The following PDE3B variants were observed in gnomAD, a reference collection of about 807,000 sequenced individuals.
PDE3B encodes phosphodiesterase 3B, also known as cGMP-inhibited 3',5'-cyclic phosphodiesterase 3B.
PDE3B carries 66 observed loss-of-function variants against 116.8 expected under a neutral mutation model. That is an observed-to-expected ratio of 0.56 (90% CI 0.46 to 0.69). The LOEUF is 0.69. Ranked by LOEUF, PDE3B falls within the 30% of genes least tolerant of loss-of-function variation. The probability of loss-of-function intolerance (pLI) is 0.00; values close to 1 mark genes in which losing one functional copy is unlikely to be tolerated. For missense variants in PDE3B, 1,384 were observed against 1,368.1 expected (o/e 1.01, Z -0.18); for synonymous variants, 595 against 533.6 (o/e 1.12, Z -1.59).
intron 7 of PDE3B, among the ~76,000 whole-genome samples, chr11:14,830,139 C>T (rs926202165): frequency 2.0e-5 from 3 of 152,022 alleles, no homozygotes; most frequent in Non-Finnish European, 4.4e-5. Flanking sequence ...GGTAATTTCC[C>T]TGTTTAAGAT....
At chr11:14,813,269 C>A (rs1201458378) in intron 5 of PDE3B, among the ~76,000 whole-genome samples, 2 of 152,040 alleles carry the variant, frequency 1.3e-5, no homozygotes, top group African/African-American at 4.8e-5. Flanking sequence ...TCTCATTGGG[C>A]CCAAAGCAAG....
At chr11:14,884,974 T>G in the PDE3B span, among the ~76,000 whole-genome samples, 1 of 152,164 alleles carries the variant, frequency 6.6e-6, no homozygotes, top group Non-Finnish European at 1.5e-5. Context: ...GAGAATTCAG[T>G]CTTTTACAAT....
the PDE3B span, chr11:14,892,033 G>A: frequency 6.2e-7 from 1 of 1,613,292 alleles, no homozygotes; most frequent in Non-Finnish European, 8.5e-7. Flanking sequence ...AAGCTCGGAT[G>A]AGGCTGCCAG....
At chr11:14,845,858 T>C (rs1224993326) in intron 12 of PDE3B, among the ~76,000 whole-genome samples, 1 of 152,158 alleles carries the variant, frequency 6.6e-6, no homozygotes, top group Admixed American at 6.5e-5. Flanking sequence ...CAAATCTATG[T>C]CTGACTGGTA....
chr11:14,675,502 G>A (rs550008767), intron 1 of PDE3B, among the ~76,000 whole-genome samples: 18 of 152,042 alleles, frequency 1.2e-4, no homozygotes, highest in African/African-American at 4.1e-4. Context: ...ATCTTTCCTT[G>A]AACTTCTTTC....
chr11:14,744,897 G>A (rs187665681), intron 1 of PDE3B, among the ~76,000 whole-genome samples: 222 of 152,276 alleles, frequency 1.5e-3, no homozygotes, highest in African/African-American at 4.9e-3. Flanking sequence ...AGGGGATAGG[G>A]TTATAATTTA....
At chr11:14,684,904 C>T (rs1854822219) in intron 1 of PDE3B, among the ~76,000 whole-genome samples, 1 of 151,978 alleles carries the variant, frequency 6.6e-6, no homozygotes, top group African/African-American at 2.4e-5. Flanking sequence ...CCTAAAATTG[C>T]TGTTACTCTG....
chr11:14,824,081 C>T (rs1484382914), intron 7 of PDE3B, among the ~76,000 whole-genome samples: 2 of 152,230 alleles, frequency 1.3e-5, no homozygotes, highest in Non-Finnish European at 2.9e-5. Flanking sequence ...GACTGTTCTC[C>T]ACGTAGGTCC....
intron 2 of PDE3B, among the ~76,000 whole-genome samples, chr11:14,777,782 C>T (rs1254770096): frequency 6.6e-6 from 1 of 152,124 alleles, no homozygotes; most frequent in Non-Finnish European, 1.5e-5. Flanking sequence ...GGGTTCATCT[C>T]TCTGGGGCTT....
intron 1 of PDE3B, among the ~76,000 whole-genome samples, chr11:14,675,139 T>C (rs539519461): frequency 2.6e-5 from 4 of 152,330 alleles, no homozygotes; most frequent in African/African-American, 9.6e-5. Flanking sequence ...ACTGAAGTTC[T>C]CAGAGTTGGA....
At chr11:14,781,354 C>A (rs1857993327) in intron 2 of PDE3B, among the ~76,000 whole-genome samples, 1 of 152,094 alleles carries the variant, frequency 6.6e-6, no homozygotes, top group African/African-American at 2.4e-5. Flanking sequence ...GCCAGAGACA[C>A]AACAAAAAAT....
chr11:14,854,899 T>C (rs1847820983), intron 12 of PDE3B, among the ~76,000 whole-genome samples: 2 of 89,478 alleles, frequency 2.2e-5, no homozygotes, highest in Non-Finnish European at 4.5e-5. Flanking sequence ...AAGGCTAAGA[T>C]GGAAAGAATA....
chr11:14,766,813 T>A (rs1314849650), intron 1 of PDE3B, among the ~76,000 whole-genome samples: 1 of 151,718 alleles, frequency 6.6e-6, no homozygotes, highest in East Asian at 1.9e-4. Context: ...TATCATAGTT[T>A]ACAAAACAAA....
At chr11:14,663,911 C>T (rs796295104) in intron 1 of PDE3B, among the ~76,000 whole-genome samples, 12 of 152,116 alleles carry the variant, frequency 7.9e-5, no homozygotes, top group Admixed American at 2.0e-4. Flanking sequence ...CTGCACCAAG[C>T]GGACCTAATA....
intron 1 of PDE3B, among the ~76,000 whole-genome samples, chr11:14,681,238 A>G (rs1449239967): frequency 6.6e-6 from 1 of 152,214 alleles, no homozygotes; most frequent in Non-Finnish European, 1.5e-5. Flanking sequence ...TTGTAAGTCG[A>G]GGAGCATACT....
the PDE3B span, among the ~76,000 whole-genome samples, chr11:14,895,618 C>G: frequency 6.9e-4 from 105 of 152,286 alleles, 2 homozygotes; most frequent in East Asian, 0.018. Context: ...GAGCCAGGCA[C>G]TGAGGTGGGG....
At chr11:14,671,864 C>T (rs888743764) in intron 1 of PDE3B, among the ~76,000 whole-genome samples, 1 of 151,278 alleles carries the variant, frequency 6.6e-6, no homozygotes, top group African/African-American at 2.4e-5. Flanking sequence ...TCTGTTTTTA[C>T]AAATAATTAA....
chr11:14,821,028 C>A (rs1420591414), intron 7 of PDE3B, among the ~76,000 whole-genome samples: 2 of 152,168 alleles, frequency 1.3e-5, no homozygotes, highest in Admixed American at 6.5e-5. Context: ...GGTGGACTAG[C>A]CTCAACTGGG....
the PDE3B span, among the ~76,000 whole-genome samples, chr11:14,893,336 G>T: frequency 6.6e-6 from 1 of 152,322 alleles, no homozygotes; most frequent in Non-Finnish European, 1.5e-5. Context: ...GCAGGCAAGG[G>T]CTGTCAAGGA....
Sources: allele counts gnomAD v4.1 joint callset (sites outside exome capture counted in the v4.1 genomes callset), GRCh38; gene constraint gnomAD v4.1.1; transcripts MANE v1.5; gene names NCBI Gene and HGNC (gene_info 2026-07-23, HGNC 2026-07-21).